Variants in NDFIP2 observed in about 807,000 individuals in gnomAD.
NDFIP2 encodes Nedd4 family interacting protein 2.
Under a neutral mutation model 36.0 loss-of-function variants are expected in NDFIP2, and 19 were observed. The observed-to-expected ratio is 0.53, with a 90% CI of 0.37 to 0.77. The LOEUF is 0.77. Ranked by LOEUF, NDFIP2 falls within the 30% of genes least tolerant of loss-of-function variation. NDFIP2 has a pLI of 0.00. For synonymous variants in NDFIP2, 181 were observed against 167.7 expected (o/e 1.08, Z -0.61); for missense variants, 446 against 435.8 (o/e 1.02, Z -0.21).
At chr13:79,526,558 A>T (rs2137093046) in intron 2 of NDFIP2, among the ~76,000 whole-genome samples, 1 of 152,300 alleles carries the variant, frequency 6.6e-6, no homozygotes, top group Middle Eastern at 3.4e-3. Flanking sequence ...GAAGCTGGAG[A>T]GTTATGAGAA....
chr13:79,490,928 C>T (rs912828613), intron 1 of NDFIP2, among the ~76,000 whole-genome samples: 3 of 152,086 alleles, frequency 2.0e-5, no homozygotes, highest in African/African-American at 7.2e-5. Flanking sequence ...TCAAAAACAG[C>T]TTATTCAAAT....
intron 1 of NDFIP2, among the ~76,000 whole-genome samples, chr13:79,516,730 A>C (rs7339303): frequency 6.6e-6 from 1 of 151,994 alleles, no homozygotes; most frequent in African/African-American, 2.4e-5. Context: ...GAAAAGAAAC[A>C]AGAAGAGGTC....
At chr13:79,501,363 G>A (rs959674404) in intron 1 of NDFIP2, among the ~76,000 whole-genome samples, 15 of 152,000 alleles carry the variant, frequency 9.9e-5, no homozygotes, top group African/African-American at 2.9e-4. Context: ...ATGTATCACC[G>A]ATGGGGGATG....
intron 5 of NDFIP2, among the ~76,000 whole-genome samples, chr13:79,545,031 A>G (rs1052430111): frequency 6.6e-6 from 1 of 152,190 alleles, no homozygotes; most frequent in Non-Finnish European, 1.5e-5. Flanking sequence ...GTTACAGAAC[A>G]TACAAAGATA....
chr13:79,488,031 G>A (rs777370348), intron 1 of NDFIP2, among the ~76,000 whole-genome samples: 4 of 152,130 alleles, frequency 2.6e-5, no homozygotes, highest in Non-Finnish European at 5.9e-5. Context: ...TGAATTATGT[G>A]TTTGTGTGTC....
intron 1 of NDFIP2, among the ~76,000 whole-genome samples, chr13:79,503,644 T>C (rs969710797): frequency 2.6e-5 from 4 of 152,176 alleles, no homozygotes; most frequent in Non-Finnish European, 2.9e-5. Flanking sequence ...AGAACTGAGG[T>C]TTACTGGACC....
chr13:79,498,656 G>T (rs1339076731), intron 1 of NDFIP2, among the ~76,000 whole-genome samples: 1 of 151,918 alleles, frequency 6.6e-6, no homozygotes, highest in South Asian at 2.1e-4. Context: ...GAAAGAAGAA[G>T]GGAGCTGAAC....
At chr13:79,518,247 C>T (rs1297389996) in intron 1 of NDFIP2, among the ~76,000 whole-genome samples, 1 of 152,146 alleles carries the variant, frequency 6.6e-6, no homozygotes, top group African/African-American at 2.4e-5. Flanking sequence ...TCATTAGGCT[C>T]ATAATCATAA....
At chr13:79,506,147 CT>C (rs1873858586) in intron 1 of NDFIP2, among the ~76,000 whole-genome samples, 1 of 152,084 alleles carries the variant, frequency 6.6e-6, no homozygotes, top group Non-Finnish European at 1.5e-5. Context: ...AGATATGTTC[CT>C]TTCTTTATCC....
chr13:79,505,026 T>C (rs559219525), intron 1 of NDFIP2, among the ~76,000 whole-genome samples: 1 of 152,344 alleles, frequency 6.6e-6, no homozygotes, highest in South Asian at 2.1e-4. Context: ...TTGGCATTTT[T>C]GTACTTTCTT....
intron 1 of NDFIP2, among the ~76,000 whole-genome samples, chr13:79,491,087 C>A (rs187242628): frequency 2.0e-4 from 31 of 152,222 alleles, no homozygotes; most frequent in African/African-American, 6.5e-4. Flanking sequence ...TTCTGGTATT[C>A]CAAATATTTT....
chr13:79,489,922 G>A (rs1031925514), intron 1 of NDFIP2, among the ~76,000 whole-genome samples: 5 of 152,192 alleles, frequency 3.3e-5, no homozygotes, highest in Admixed American at 6.5e-5. Flanking sequence ...GTCTAATGCC[G>A]AATGAAAATG....
chr13:79,531,933 T>A (rs942706687), intron 2 of NDFIP2, among the ~76,000 whole-genome samples: 5 of 152,262 alleles, frequency 3.3e-5, no homozygotes, highest in African/African-American at 4.8e-5. Flanking sequence ...GGTCTGGCTT[T>A]CGGTGTATCT....
At chr13:79,512,695 C>T (rs1874124619) in intron 1 of NDFIP2, among the ~76,000 whole-genome samples, 1 of 152,112 alleles carries the variant, frequency 6.6e-6, no homozygotes, top group Non-Finnish European at 1.5e-5. Flanking sequence ...TTTTTGGTCA[C>T]ATCCCAGTCT....
At chr13:79,524,219 A>G (rs1594852662) in intron 2 of NDFIP2, among the ~76,000 whole-genome samples, 1 of 152,060 alleles carries the variant, frequency 6.6e-6, no homozygotes. Flanking sequence ...CTACTTCTTC[A>G]TCAAGCATAT....
chr13:79,511,144 C>A (rs2140755254), intron 1 of NDFIP2, among the ~76,000 whole-genome samples: 1 of 152,268 alleles, frequency 6.6e-6, no homozygotes, highest in Non-Finnish European at 1.5e-5. Context: ...CAACGGAAGG[C>A]CCTCAGAGAA....
intron 1 of NDFIP2, among the ~76,000 whole-genome samples, chr13:79,488,958 A>G (rs1237993063): frequency 5.3e-5 from 8 of 152,232 alleles, no homozygotes; most frequent in African/African-American, 1.4e-4. Flanking sequence ...TTCCACTTCT[A>G]TGAAGTAGAT....
chr13:79,518,081 A>G (rs1874421415), intron 1 of NDFIP2, among the ~76,000 whole-genome samples: 1 of 152,212 alleles, frequency 6.6e-6, no homozygotes, highest in Non-Finnish European at 1.5e-5. Context: ...GTCTTAAAAT[A>G]TTATCAGTTA....
intron 1 of NDFIP2, among the ~76,000 whole-genome samples, chr13:79,489,999 T>G (rs1873163313): frequency 1.3e-5 from 2 of 152,336 alleles, no homozygotes; most frequent in Non-Finnish European, 2.9e-5. Flanking sequence ...TGTATAGGTC[T>G]GTGGACCCCC....
Sources: gnomAD v4.1 joint callset for allele counts (sites outside exome capture counted in the v4.1 genomes callset) on GRCh38, gnomAD v4.1.1 for gene constraint, MANE v1.5 for transcripts, NCBI Gene and HGNC (gene_info 2026-07-23, HGNC 2026-07-21) for gene names.